The following KNTC1 variants were observed in gnomAD, a reference collection of about 807,000 sequenced individuals.
KNTC1 encodes kinetochore associated 1.
In KNTC1, 253 loss-of-function variants were observed where a neutral mutation model predicts 314.4. The observed-to-expected ratio is 0.80, with a 90% CI of 0.73 to 0.89. The LOEUF is 0.89. KNTC1 is among the 40% of genes least tolerant of loss of function. KNTC1 has a pLI of 0.00. For missense variants in KNTC1, 2,475 were observed against 2,572.9 expected (o/e 0.96, Z 0.82); for synonymous variants, 901 against 901.4 (o/e 1.00, Z 0.01).
chr12:122,548,039 A>T, intron 12 of KNTC1, 70 bp downstream of exon 12: 1 of 942,854 alleles, frequency 1.1e-6, no homozygotes, highest in Non-Finnish European at 1.6e-6. Context: ...ATACAAAAGT[A>T]GATGTTAAAT....
Position 122,618,552 on chromosome 12 carries a change from A to G in KNTC1, c.6149+7A>G, listed in dbSNP as rs1874039609. The G allele has an allele frequency of 6.2e-6, 10 of 1,607,862 alleles. No individual in the cohort carries two copies. In the East Asian group the frequency reaches 2.2e-4, roughly 36 times the overall value. ...GTCTCATCGCTGTCCTCGAGTAAGCAAAATATTTGTTCTACCAAAAAAAAA... is the reference window on the plus strand; with the variant it reads ...GTCTCATCGCTGTCCTCGAGTAAGCGAAATATTTGTTCTACCAAAAAAAAA... On this transcript the variant is annotated splice_region_variant and intron_variant, in intron 59 of 63. Transcript: ENST00000333479.
At chr12:122,551,751 A>T (rs1420985994) in intron 16 of KNTC1, 55 bp downstream of exon 16, 1 of 1,227,678 alleles carries the variant, frequency 8.1e-7, no homozygotes. Flanking sequence ...CATGGGCTAG[A>T]GGCTGAGAGG....
At chr12:122,555,471 G>C (rs1307969094) in intron 16 of KNTC1, among the ~76,000 whole-genome samples, 3 of 152,164 alleles carry the variant, frequency 2.0e-5, no homozygotes, top group Non-Finnish European at 2.9e-5. Flanking sequence ...TGAATCGCTT[G>C]AATCAGAAGG....
rs1331530937 is a variant in KNTC1 at position 122,585,053 on chromosome 12, T to C, written c.3534+63T>C. On this transcript the variant is annotated intron_variant, in intron 36 of 63. Coordinates refer to ENST00000333479, the MANE Select transcript of KNTC1 (RefSeq NM_014708.6). ...CAACGCATTATGCACCTTTTTTTTT[T>C]TTCGGACAGGGTTTTGTTCTGTCAC... The C allele has an allele frequency of 4.7e-5, 44 of 935,092 alleles. No individual in the cohort carries two copies. In the Admixed American group the frequency reaches 6.1e-4, roughly 13 times the overall value. The allele number at this position is 935,092 out of a possible 1,614,324, so 57.9% of individuals were successfully genotyped here. A position where few individuals can be genotyped will look rare whatever the true frequency, so the allele number is the denominator to read the frequency against.
In KNTC1 at chr12:122,575,845, A is replaced by G; in HGVS notation, c.2532A>G (p.Lys844=). The G allele has an allele frequency of 3.1e-6, 5 of 1,613,626 alleles. No individual in the cohort carries two copies. The highest frequency in any genetic ancestry group is 4.2e-6 in the Non-Finnish European group (5 of 1,179,790). ...QESYKLMEMK[K]LLRGYGIREV... is the part of the protein sequence containing the mutation. ...GTTACAAACTAATGGAGATGAAAAA[A>G]CTTTTACGAGGCTATGGAATAAGAG... The change falls in exon 29 of 64, where the codon AAA becomes AAG. Residue 844 remains lysine (K), a synonymous_variant. Transcript: ENST00000333479.
In KNTC1 at chr12:122,539,685, CA is replaced by C; in HGVS notation, c.377del (p.Gln126ArgfsTer45). 6.4e-7 allele frequency: 1 copy of C among 1,565,790 alleles called. No homozygotes were observed. Among genetic ancestry groups the C allele is most frequent in the Non-Finnish European group, 8.7e-7 (1 of 1,154,088 alleles). ...KQTLLTNAFVQKANDENRRTY... is the reference protein window; with the variant it reads ...KQTLLTNAFVXKANDENRRTY... Reference sequence around the variant, plus strand: ...ATTAATTTGCATTTAGGCATTTGTTCAGAAAGCTAACGATGAAAATCGGCGG... The same window carrying C: ...ATTAATTTGCATTTAGGCATTTGTTCGAAAGCTAACGATGAAAATCGGCGG... On this transcript the variant is annotated frameshift_variant, in exon 5 of 64. Transcript: ENST00000333479. LOFTEE classifies it high-confidence loss of function.
intron 4 of KNTC1, 122 bp from the exon 5 acceptor site, chr12:122,539,554 T>C (rs192368146): frequency 1.6e-6 from 1 of 640,190 alleles, no homozygotes; most frequent in African/African-American, 1.9e-5. Context: ...AAAAGTAAGA[T>C]GTTTAGAATA....
At chr12:122,594,226 A>G (rs751819633) in intron 42 of KNTC1, 50 bp from the exon 43 acceptor site, 3 of 1,008,822 alleles carry the variant, frequency 3.0e-6, no homozygotes, top group African/African-American at 1.6e-5. Context: ...ACTCTGATAC[A>G]TTTCAGTGTA....
chr12:122,597,971 C>G, intron 44 of KNTC1, 33 bp downstream of exon 44: 2 of 1,531,976 alleles, frequency 1.3e-6, no homozygotes, highest in Non-Finnish European at 1.8e-6. Context: ...CGGGTCATCT[C>G]AGCCATCCCT....
rs528868414 is a variant in KNTC1 at position 122,538,997 on chromosome 12, G to C, written c.366+543G>C. On this transcript the variant is annotated intron_variant, in intron 4 of 63. Transcript: ENST00000333479. ...AGTCCACCTTGTCTTCAGCTGGCTG[G>C]ATCTGGTCAGGTGCTTAGCAGGACT... is the stretch of plus-strand genomic sequence containing the variant. Among the ~76,000 whole-genome samples, 4 of 152,348 alleles carry C rather than the reference G, an allele frequency of 2.6e-5. No individual in the cohort carries two copies. The South Asian group carries it at 8.3e-4, about 32-fold the overall frequency.
At chr12:122,605,791 G>C (rs546390020) in intron 51 of KNTC1, among the ~76,000 whole-genome samples, 2 of 152,212 alleles carry the variant, frequency 1.3e-5, no homozygotes, top group South Asian at 4.1e-4. Context: ...TGATCCTCCT[G>C]CCTCAGCCTC....
chr12:122,566,209 G>A (rs1416453398), intron 20 of KNTC1, among the ~76,000 whole-genome samples: 1 of 151,476 alleles, frequency 6.6e-6, no homozygotes, highest in Non-Finnish European at 1.5e-5. Flanking sequence ...CCAAAGTGCT[G>A]GGATTACAAG....
At chr12:122,534,926 C>A in intron 3 of KNTC1, 142 bp downstream of exon 3, 1 of 774,848 alleles carries the variant, frequency 1.3e-6, no homozygotes, top group Non-Finnish European at 2.1e-6. Flanking sequence ...AGCTTGAGTG[C>A]TTAGTGCCTT....
chr12:122,543,847 C>T (rs562321398), intron 7 of KNTC1, among the ~76,000 whole-genome samples: 3 of 152,106 alleles, frequency 2.0e-5, no homozygotes, highest in African/African-American at 7.2e-5. Context: ...GTCCGGAGTT[C>T]GAGACCAGCC....
chr12:122,531,331 C>G (rs186162307), intron 2 of KNTC1, among the ~76,000 whole-genome samples: 21 of 152,016 alleles, frequency 1.4e-4, no homozygotes, highest in African/African-American at 5.1e-4. Context: ...CTCAATTTCC[C>G]AAGTAGCTGG....
At chr12:122,531,724 A>G (rs1173723636) in intron 2 of KNTC1, among the ~76,000 whole-genome samples, 3 of 151,882 alleles carry the variant, frequency 2.0e-5, no homozygotes, top group Admixed American at 6.6e-5. Flanking sequence ...AATGACGTCT[A>G]TTTTTTAGTA....
At chr12:122,575,920 GTC>G in intron 29 of KNTC1, 21 bp downstream of exon 29, 1 of 1,571,766 alleles carries the variant, frequency 6.4e-7, no homozygotes, top group Non-Finnish European at 8.6e-7. Flanking sequence ...TCTTCGAAGA[GTC>G]TTTTTTCTCT....
At chr12:122,562,599 T>G (rs779137349) in intron 19 of KNTC1, 39 bp from the exon 20 acceptor site, 3 of 1,149,938 alleles carry the variant, frequency 2.6e-6, no homozygotes, top group Admixed American at 1.9e-5. Context: ...TCAATATTGT[T>G]GCATATAAAT....
At chr12:122,538,311 G>C (rs763138664) in intron 3 of KNTC1, 28 bp from the exon 4 acceptor site, 1 of 1,270,962 alleles carries the variant, frequency 7.9e-7, no homozygotes, top group Non-Finnish European at 1.1e-6. Context: ...TTCGAAGGAA[G>C]CTTGTAACTT....
Sources: allele counts gnomAD v4.1 joint callset (sites outside exome capture counted in the v4.1 genomes callset), GRCh38; gene constraint gnomAD v4.1.1; transcripts MANE v1.5; gene names NCBI Gene and HGNC (gene_info 2026-07-23, HGNC 2026-07-21).